WWP2: variants seen among roughly 807,000 people sequenced by gnomAD.
WWP2 encodes the protein NEDD4-like E3 ubiquitin-protein ligase WWP2.
A neutral mutation model predicts 121.0 loss-of-function variants in WWP2; 57 were observed. The observed-to-expected ratio is 0.47, with a 90% CI of 0.38 to 0.59. WWP2 has a LOEUF of 0.59. WWP2 is among the 20% of genes least tolerant of loss of function. WWP2 has a pLI of 0.00. For synonymous variants in WWP2, 449 were observed against 441.3 expected (o/e 1.02, Z -0.22); for missense variants, 962 against 1,158.9 (o/e 0.83, Z 2.47).
At chr16:69,858,295 C>A (rs1046366753) in intron 6 of WWP2, among the ~76,000 whole-genome samples, 7 of 152,122 alleles carry the variant, frequency 4.6e-5, no homozygotes, top group Non-Finnish European at 1.0e-4. Context: ...CAGGCCACGG[C>A]TCTGTGTGCC....
chr16:69,762,485 G>C (rs1394234691), intron 1 of WWP2, 94 bp downstream of exon 1: 1 of 147,716 alleles, frequency 6.8e-6, no homozygotes, highest in Non-Finnish European at 1.5e-5. Context: ...CGGGGGCGGC[G>C]CGGCCCGGGC....
At chr16:69,801,599 A>G (rs2056168415) in intron 4 of WWP2, among the ~76,000 whole-genome samples, 1 of 151,702 alleles carries the variant, frequency 6.6e-6, no homozygotes, top group Non-Finnish European at 1.5e-5. Flanking sequence ...TGTAGTGGCT[A>G]TTTATAGGCA....
rs113632338 is a variant in WWP2, at chr16:69,929,550, G to T, written c.1316+21G>T. On this transcript the variant is annotated intron_variant, in intron 12 of 23. Coordinates refer to ENST00000359154, the MANE Select transcript of WWP2 (RefSeq NM_001270454.2). ...CAGGGGTAAGGACTTGGGCTGAGAG[G>T]GGGGCCGGGCTGGGCTGGGTCTCTG... The T allele has an allele frequency of 2.2e-4, 361 of 1,612,274 alleles. 6 individuals carry two copies. In the African/African-American group the frequency reaches 3.7e-3, roughly 17 times the overall value.
At chr16:69,824,403 G>A (rs2056646330) in intron 4 of WWP2, among the ~76,000 whole-genome samples, 1 of 152,150 alleles carries the variant, frequency 6.6e-6, no homozygotes, top group South Asian at 2.1e-4. Context: ...TAGGTACAGA[G>A]TGGGACTCTG....
In WWP2 at chr16:69,902,413, A is replaced by G. The variant is rs185672472; in HGVS notation, c.915-6348A>G. Among the ~76,000 whole-genome samples the G allele has an allele frequency of 5.9e-5, 9 of 152,380 alleles. No homozygotes were observed. The East Asian group carries it at 1.7e-3, about 29-fold the overall frequency. Reference sequence around the variant, plus strand: ...AAAGTACCTAAGATTAATTGCAGTCAGACGGAGACTGCTTTTAAAGTACTT... The same window carrying G: ...AAAGTACCTAAGATTAATTGCAGTCGGACGGAGACTGCTTTTAAAGTACTT... On this transcript the variant is annotated intron_variant, in intron 8 of 23. Coordinates refer to ENST00000359154, the MANE Select transcript of WWP2 (RefSeq NM_001270454.2).
intron 4 of WWP2, among the ~76,000 whole-genome samples, chr16:69,809,320 C>A (rs1477151182): frequency 7.9e-5 from 12 of 152,282 alleles, no homozygotes; most frequent in African/African-American, 2.4e-4. Flanking sequence ...CAGGTTATTT[C>A]TGGTAATTGC....
In WWP2 at chr16:69,822,469, G is replaced by A. The variant is rs13336041; in HGVS notation, c.341-17657G>A. Among the ~76,000 whole-genome samples, 296 of 152,252 alleles carry A rather than the reference G, an allele frequency of 1.9e-3. 3 individuals carry two copies. Among genetic ancestry groups the A allele is most frequent in the African/African-American group, 6.6e-3 (276 of 41,550 alleles). ...AAACTATTCCAGTTGTGACAGATGCGATGGAGCAAAGTACAGGATGATCTG... is the reference window on the plus strand; with the variant it reads ...AAACTATTCCAGTTGTGACAGATGCAATGGAGCAAAGTACAGGATGATCTG... On this transcript the variant is annotated intron_variant, in intron 4 of 23. Coordinates refer to ENST00000359154, the MANE Select transcript of WWP2 (RefSeq NM_001270454.2).
In WWP2 at chr16:69,786,986, T is replaced by G; in HGVS notation, c.-15-10T>G. 2 of 1,594,008 alleles carry G rather than the reference T, an allele frequency of 1.3e-6. No homozygotes were observed. Among genetic ancestry groups the G allele is most frequent in the South Asian group, 2.3e-5 (2 of 87,306 alleles). On this transcript the variant is annotated splice_polypyrimidine_tract_variant and intron_variant, in intron 1 of 23. Transcript: ENST00000359154. ...TATTCTCTGAATTCTTTTTTCTGTT[T>G]GTCTTACAGCTTCACGGTGATGATA...
intron 6 of WWP2, among the ~76,000 whole-genome samples, chr16:69,865,367 T>G (rs1193880340): frequency 1.3e-5 from 2 of 152,198 alleles, no homozygotes; most frequent in East Asian, 3.9e-4. Context: ...TTTTGATTAT[T>G]TAAAAAATAT....
At chr16:69,912,311 C>G (rs1241652567) in intron 9 of WWP2, among the ~76,000 whole-genome samples, 1 of 148,654 alleles carries the variant, frequency 6.7e-6, no homozygotes. Context: ...CAAAACAAAA[C>G]CTCATTGGTT....
chr16:69,850,214 G>A (rs113655777), intron 6 of WWP2, among the ~76,000 whole-genome samples: 1,950 of 152,040 alleles, frequency 0.013, 39 homozygotes, highest in African/African-American at 0.044. Context: ...GTGAAACCCC[G>A]TCCCTACTAA....
chr16:69,804,130 T>A (rs889747908), intron 4 of WWP2, among the ~76,000 whole-genome samples: 3 of 152,242 alleles, frequency 2.0e-5, no homozygotes, highest in African/African-American at 7.2e-5. Flanking sequence ...CATTTGTAAA[T>A]GTTTTTCTAG....
At chr16:69,811,146 C>T (rs1394523297) in intron 4 of WWP2, among the ~76,000 whole-genome samples, 1 of 152,176 alleles carries the variant, frequency 6.6e-6, no homozygotes, top group Non-Finnish European at 1.5e-5. Context: ...TAATTTCTTT[C>T]TACATTGTTA....
intron 4 of WWP2, among the ~76,000 whole-genome samples, chr16:69,812,771 T>A (rs1211370795): frequency 6.6e-6 from 1 of 152,122 alleles, no homozygotes; most frequent in East Asian, 1.9e-4. Context: ...GTGCAGCATA[T>A]CTGGGAGCTC....
intron 2 of WWP2, among the ~76,000 whole-genome samples, chr16:69,795,649 GTTTTTTT>G (rs386384998): frequency 7.5e-5 from 5 of 66,928 alleles, no homozygotes; most frequent in Non-Finnish European, 1.3e-4. Flanking sequence ...AAAATAGGAG[GTTTTTTT>G]TTTTTTTTTT....
intron 4 of WWP2, among the ~76,000 whole-genome samples, chr16:69,810,162 C>T (rs1275116250): frequency 1.3e-5 from 2 of 152,202 alleles, no homozygotes; most frequent in Admixed American, 1.3e-4. Context: ...CTTGTTTTCC[C>T]TGGGTGGACT....
At chr16:69,858,655 G>C (rs1340506230) in intron 6 of WWP2, among the ~76,000 whole-genome samples, 1 of 152,092 alleles carries the variant, frequency 6.6e-6, no homozygotes, top group Non-Finnish European at 1.5e-5. Context: ...TTCACCGACT[G>C]TTCTTTTCAA....
At chr16:69,767,759 T>A (rs1403272750) in intron 1 of WWP2, among the ~76,000 whole-genome samples, 1 of 152,192 alleles carries the variant, frequency 6.6e-6, no homozygotes, top group East Asian at 1.9e-4. Context: ...TTCCCCTACC[T>A]GAGGCCCCTT....
chr16:69,855,940 T>G (rs1441136700), intron 6 of WWP2, among the ~76,000 whole-genome samples: 3 of 152,224 alleles, frequency 2.0e-5, no homozygotes, highest in African/African-American at 7.2e-5. Flanking sequence ...TGGCCTTATC[T>G]TGTTATTCTT....
Sources: allele counts gnomAD v4.1 joint callset (sites outside exome capture counted in the v4.1 genomes callset), GRCh38; gene constraint gnomAD v4.1.1; transcripts MANE v1.5; gene names NCBI Gene and HGNC (gene_info 2026-07-23, HGNC 2026-07-21).